Variants in GRHL3 observed in about 807,000 individuals in gnomAD.
The protein encoded by GRHL3 is grainyhead like transcription factor 3.
GRHL3 carries 20 observed loss-of-function variants against 70.3 expected under a neutral mutation model. The observed-to-expected ratio is 0.28, with a 90% CI of 0.20 to 0.41. The LOEUF (loss-of-function observed/expected upper bound fraction) is 0.41. GRHL3 is among the 10% of genes least tolerant of loss of function. GRHL3 has a pLI of 1.00. For missense variants in GRHL3, 637 were observed against 762.3 expected, an observed-to-expected ratio of 0.84 and a Z score of 1.94; for synonymous variants, 299 against 299.9, an observed-to-expected ratio of 1.00 and a Z score of 0.03.
At chr1:24,326,334 C>T (rs920914406) in intron 1 of GRHL3, among the ~76,000 whole-genome samples, 4 of 151,710 alleles carry the variant, frequency 2.6e-5, no homozygotes, top group African/African-American at 7.3e-5. Flanking sequence ...CTCCATTCTC[C>T]CTCTTCCCCT....
At chr1:24,344,482 CCAGAAAA>C (rs1640166068) in intron 11 of GRHL3, among the ~76,000 whole-genome samples, 1 of 121,340 alleles carries the variant, frequency 8.2e-6, no homozygotes, top group Admixed American at 8.6e-5. Flanking sequence ...CTCTTTCCCC[CCAGAAAA>C]AAAAAAAAAA....
Position 24,350,114 on chromosome 1 carries a change from C to T in GRHL3, c.1686C>T (p.Cys562=). 1.2e-6 allele frequency: 2 copies of T among 1,613,336 alleles called. No homozygotes were observed. The highest frequency in any genetic ancestry group is 2.2e-5 in the South Asian group (2 of 90,954). ...EENIYKVYKK[C]KRGILVNMDN... ...ACATTTACAAAGTCTACAAGAAATG[C>T]AAGCGAGGGTGAGTGCCTAGTTCAC... The change falls in exon 15 of 16, where the codon TGC becomes TGT. Residue 562 remains cysteine, a synonymous_variant. Transcript: ENST00000361548.
intron 15 of GRHL3, among the ~76,000 whole-genome samples, chr1:24,363,797 A>G (rs1257171391): frequency 6.6e-6 from 1 of 152,182 alleles, no homozygotes; most frequent in Non-Finnish European, 1.5e-5. Context: ...GGGGAAGAGC[A>G]TTTCCAGCAG....
Position 24,354,743 on chromosome 1 carries a change from A to C in GRHL3, c.*255A>C. The C allele has an allele frequency of 3.2e-5, 12 of 372,046 alleles. No homozygotes were observed. The highest frequency in any genetic ancestry group is 5.6e-5 in the East Asian group (1 of 17,814). The allele number at this position is 372,046 out of a possible 1,614,324, so 23.0% of individuals were successfully genotyped here. Reference sequence around the variant, plus strand: ...CAGTGCCTCCCCGTACCCCAAAACAATGTCACCATGGTTACCACCTACCCA... The same window carrying C: ...CAGTGCCTCCCCGTACCCCAAAACACTGTCACCATGGTTACCACCTACCCA... On this transcript the variant is annotated 3_prime_UTR_variant, in exon 16 of 16. Transcript: ENST00000361548.
chr1:24,325,455 C>T (rs1486390054), intron 1 of GRHL3, among the ~76,000 whole-genome samples: 1 of 152,216 alleles, frequency 6.6e-6, no homozygotes, highest in Non-Finnish European at 1.5e-5. Flanking sequence ...AGGATTCTAA[C>T]AGAAGGAAAT....
chr1:24,336,767 T>C lies in GRHL3; in HGVS notation c.552T>C (p.His184=), dbSNP rs191739265. 3.3e-4 allele frequency: 525 copies of C among 1,613,758 alleles called. 6 individuals carry two copies. The South Asian group carries it at 3.9e-3, about 12-fold the overall frequency. The change falls in exon 4 of 16, where the codon CAT becomes CAC. Residue 184 remains histidine, a synonymous_variant. Coordinates refer to ENST00000361548, the MANE Select transcript of GRHL3 (RefSeq NM_198173.3). ...GSLNSLFESI[H]GVPPTQRWQP... is the part of the protein sequence containing the mutation. ...TCAACTCCTTGTTTGAGAGCATTCA[T>C]GGGGTGCCGCCCACACAGCGCTGGC... is the stretch of plus-strand genomic sequence containing the variant.
In GRHL3 at chr1:24,342,913, C is replaced by T. The variant is rs771522036; in HGVS notation, c.1307C>T (p.Ser436Leu). 43 of 1,614,038 alleles carry T rather than the reference C, an allele frequency of 2.7e-5. No individual in the cohort carries two copies. Among genetic ancestry groups the T allele is most frequent in the Admixed American group, 2.2e-4 (13 of 60,008 alleles). The change falls in exon 11 of 16, where the codon TCG becomes TTG. Residue 436 changes from serine to leucine, a missense_variant. Physicochemically the swap from Ser to Leu is moderately radical, Grantham distance 145. Coordinates refer to ENST00000361548, the MANE Select transcript of GRHL3 (RefSeq NM_198173.3). This position sits in a 1 kb window ranked among gnomAD's most constrained non-coding sequence, Gnocchi z 4.8. ...SNSGVKGCLLSGFRGNETTYL... is the reference protein window; with the variant it reads ...SNSGVKGCLLLGFRGNETTYL... ...TCAGGCGTCAAGGGCTGCCTGCTGT[C>T]GGGCTTCAGGGGCAATGAGACGACC...
chr1:24,340,933 G>A (rs12568609), intron 8 of GRHL3, among the ~76,000 whole-genome samples: 26,385 of 152,038 alleles, frequency 0.17, 2,603 homozygotes, highest in Non-Finnish European at 0.23. Context: ...TCTTTCTCAG[G>A]TGCGAGCTGG....
chr1:24,348,432 C>G (rs761066109), intron 14 of GRHL3, among the ~76,000 whole-genome samples: 1 of 152,222 alleles, frequency 6.6e-6, no homozygotes, highest in South Asian at 2.1e-4. Flanking sequence ...TACTCGGCTG[C>G]TTGTTCTCTT....
chr1:24,361,225 G>A (rs992384349), intron 15 of GRHL3, among the ~76,000 whole-genome samples: 1 of 152,170 alleles, frequency 6.6e-6, no homozygotes, highest in African/African-American at 2.4e-5. Context: ...TTCTTCATCT[G>A]CACATGGCAA....
At chr1:24,338,436 C>T (rs1165097705) in intron 7 of GRHL3, among the ~76,000 whole-genome samples, 2 of 152,226 alleles carry the variant, frequency 1.3e-5, no homozygotes, top group Non-Finnish European at 2.9e-5. Context: ...AGGCCTGAGG[C>T]ACAGCACAGG....
intron 1 of GRHL3, among the ~76,000 whole-genome samples, chr1:24,328,467 T>C (rs751231318): frequency 3.9e-5 from 6 of 152,244 alleles, no homozygotes; most frequent in African/African-American, 9.6e-5. Flanking sequence ...ACAAGATAGA[T>C]TGGAGACCTT....
At chr1:24,330,634 A>G (rs943639710) in intron 1 of GRHL3, among the ~76,000 whole-genome samples, 3 of 152,208 alleles carry the variant, frequency 2.0e-5, no homozygotes, top group African/African-American at 7.2e-5. Flanking sequence ...CCTTCCCCAC[A>G]TTGCTGAGTG....
intron 8 of GRHL3, among the ~76,000 whole-genome samples, chr1:24,340,983 T>A (rs895032663): frequency 6.6e-6 from 1 of 150,428 alleles, no homozygotes; most frequent in Non-Finnish European, 1.5e-5. Context: ...GAGGGGGAGG[T>A]ATGTCTGGCA....
At chr1:24,324,153 A>G (rs1429690075) in intron 1 of GRHL3, among the ~76,000 whole-genome samples, 5 of 152,228 alleles carry the variant, frequency 3.3e-5, no homozygotes, top group African/African-American at 2.4e-5. Flanking sequence ...GGAAAATTAG[A>G]CAAGACACCA....
At position 24,322,045 on chromosome 1, in the gene GRHL3, G is replaced by C. The variant is rs889331958; in HGVS notation, c.17+2477G>C. On this transcript the variant is annotated intron_variant, in intron 1 of 15. Transcript: ENST00000361548. The surrounding 1 kb of genome is among the most constrained non-coding windows in gnomAD (Gnocchi z 4.4). ...CTGAAGGTGCGTCGGGGCCCCCGGG[G>C]AGCTGGAGCCGCAGGCGACCTCCCC... is the stretch of plus-strand genomic sequence containing the variant. 3.9e-5 allele frequency: 6 copies of C among 152,156 alleles called. No homozygotes were observed. The highest frequency in any genetic ancestry group is 7.4e-5 in the Non-Finnish European group (5 of 68,026). 9.4% of individuals were successfully genotyped at this position (152,156 alleles called of 1,614,324 possible).
intron 14 of GRHL3, among the ~76,000 whole-genome samples, chr1:24,348,393 C>T (rs1640375392): frequency 2.0e-5 from 3 of 152,274 alleles, no homozygotes; most frequent in Admixed American, 6.5e-5. Context: ...GTGACAGAGC[C>T]GGGATGCCAG....
chr1:24,332,697 ACTTGAAGATTTAAAGCCAC>A (rs1261669780), intron 2 of GRHL3, among the ~76,000 whole-genome samples: 6 of 152,204 alleles, frequency 3.9e-5, no homozygotes. Flanking sequence ...TTATTGAGAA[ACTTGAAGATTTAAAGCCAC>A]CTTGTACAGA....
At position 24,336,750 on chromosome 1, in the gene GRHL3, T is replaced by A. The variant is rs368857465; in HGVS notation, c.535T>A (p.Leu179Met). Residue 179 changes from leucine to methionine, a missense_variant, in exon 4 of 16, where the codon TTG becomes ATG. Transcript: ENST00000361548. ...GTATGATAATGGCTCCCTCAACTCC[T>A]TGTTTGAGAGCATTCATGGGGTGCC... ...DMYDNGSLNS[L>M]FESIHGVPPT... The A allele has an allele frequency of 4.3e-6, 7 of 1,613,900 alleles. No homozygotes were observed. The highest frequency in any genetic ancestry group is 5.9e-6 in the Non-Finnish European group (7 of 1,179,984).
Sources: gnomAD v4.1 joint callset for allele counts (sites outside exome capture counted in the v4.1 genomes callset) on GRCh38, gnomAD v4.1.1 for gene constraint, Gnocchi (gnomAD v3.1) non-coding constraint, MANE v1.5 for transcripts, NCBI Gene and HGNC (gene_info 2026-07-23, HGNC 2026-07-21) for gene names.